The following CDH12 variants were observed in gnomAD, a reference collection of about 807,000 sequenced individuals.
CDH12 encodes the protein cadherin 12, also known as cadherin-12.
In CDH12, 41 loss-of-function variants were observed where a neutral mutation model predicts 74.1. The observed-to-expected ratio is 0.55, with a 90% confidence interval of 0.43 to 0.72. CDH12 has a LOEUF of 0.72. CDH12 is among the 30% of genes least tolerant of loss of function. CDH12 has a pLI of 0.00. For missense variants in CDH12, 945 were observed against 977.2 expected (o/e 0.97, Z 0.44); for synonymous variants, 399 against 355.0 (o/e 1.12, Z -1.39).
At chr5:21,833,235 A>T (rs1447854307) in intron 8 of CDH12, among the ~76,000 whole-genome samples, 1 of 45,636 alleles carries the variant, frequency 2.2e-5, no homozygotes. Flanking sequence ...TATATAACAT[A>T]TAATATATAT....
At chr5:21,980,308 C>T (rs893661898) in intron 5 of CDH12, among the ~76,000 whole-genome samples, 4 of 151,608 alleles carry the variant, frequency 2.6e-5, no homozygotes, top group Non-Finnish European at 4.4e-5. Flanking sequence ...TATTTCCTGG[C>T]GAGAGGTAGA....
chr5:22,512,068 AT>A (rs1184192161), intron 1 of CDH12, among the ~76,000 whole-genome samples: 1 of 152,020 alleles, frequency 6.6e-6, no homozygotes, highest in Non-Finnish European at 1.5e-5. Flanking sequence ...TAAGAATATC[AT>A]ACCTAACACC....
At chr5:22,792,028 A>C (rs1747934363) in intron 1 of CDH12, among the ~76,000 whole-genome samples, 1 of 152,046 alleles carries the variant, frequency 6.6e-6, no homozygotes, top group Non-Finnish European at 1.5e-5. Context: ...TTAGTCACAT[A>C]AACAATGGTA....
intron 4 of CDH12, among the ~76,000 whole-genome samples, chr5:22,083,774 G>A (rs765531404): frequency 1.5e-4 from 23 of 152,158 alleles, no homozygotes; most frequent in African/African-American, 3.6e-4. Flanking sequence ...GATCCTCTAC[G>A]GTGTTGCCCC....
At chr5:22,520,794 A>AT (rs1737020561) in intron 1 of CDH12, among the ~76,000 whole-genome samples, 1 of 152,130 alleles carries the variant, frequency 6.6e-6, no homozygotes, top group Non-Finnish European at 1.5e-5. Flanking sequence ...TGTGACTAAG[A>AT]TATATATAAC....
intron 1 of CDH12, among the ~76,000 whole-genome samples, chr5:22,769,615 T>C (rs1488300244): frequency 6.6e-6 from 1 of 152,022 alleles, no homozygotes; most frequent in African/African-American, 2.4e-5. Context: ...CCTTCATATA[T>C]ACATCTATCC....
chr5:21,797,192 G>C (rs1007383860), intron 10 of CDH12, among the ~76,000 whole-genome samples: 4 of 151,330 alleles, frequency 2.6e-5, no homozygotes, highest in Non-Finnish European at 5.9e-5. Context: ...TAGTGATGAT[G>C]ATGATGATGA....
chr5:21,986,793 T>C (rs1489301302), intron 5 of CDH12, among the ~76,000 whole-genome samples: 4 of 152,110 alleles, frequency 2.6e-5, no homozygotes, highest in African/African-American at 9.7e-5. Context: ...ACATATCATT[T>C]CTTAATTTAT....
chr5:22,591,862 T>A (rs1736344557), intron 1 of CDH12, among the ~76,000 whole-genome samples: 1 of 152,224 alleles, frequency 6.6e-6, no homozygotes, highest in Admixed American at 6.5e-5. Context: ...TACTGCCCTA[T>A]GATTAATGTT....
chr5:22,346,818 G>A (rs2150460552), intron 3 of CDH12, among the ~76,000 whole-genome samples: 1 of 152,178 alleles, frequency 6.6e-6, no homozygotes, highest in Middle Eastern at 3.4e-3. Context: ...CTTAAAACTG[G>A]GGAGTTTTGT....
intron 9 of CDH12, among the ~76,000 whole-genome samples, chr5:21,812,658 T>C (rs911789754): frequency 1.3e-5 from 2 of 152,204 alleles, no homozygotes; most frequent in Non-Finnish European, 2.9e-5. Context: ...TATTAAGTCA[T>C]ACTATCATGT....
intron 6 of CDH12, among the ~76,000 whole-genome samples, chr5:21,879,082 C>T (rs1752104966): frequency 6.6e-6 from 1 of 152,072 alleles, no homozygotes. Context: ...CACATGCTAT[C>T]AAATTTTTAC....
intron 1 of CDH12, among the ~76,000 whole-genome samples, chr5:22,672,149 TA>T (rs1740938977): frequency 7.1e-6 from 1 of 140,000 alleles, no homozygotes; most frequent in African/African-American, 2.7e-5. Context: ...ATATATTTAT[TA>T]TATATATTAT....
At chr5:22,698,712 T>TG (rs1742531094) in intron 1 of CDH12, among the ~76,000 whole-genome samples, 1 of 13,910 alleles carries the variant, frequency 7.2e-5, no homozygotes, top group African/African-American at 3.2e-4. Flanking sequence ...TATATATATA[T>TG]ATATATATAT....
intron 4 of CDH12, among the ~76,000 whole-genome samples, chr5:22,206,377 TAG>T (rs895045359): frequency 2.0e-5 from 3 of 152,184 alleles, no homozygotes; most frequent in African/African-American, 7.2e-5. Context: ...GGCTACATAA[TAG>T]AGTTACCTGG....
chr5:22,726,614 C>T (rs1278884930), intron 1 of CDH12, among the ~76,000 whole-genome samples: 1 of 151,816 alleles, frequency 6.6e-6, no homozygotes, highest in Admixed American at 6.6e-5. Flanking sequence ...ACATTCCAGG[C>T]AGCATTTGTT....
intron 3 of CDH12, among the ~76,000 whole-genome samples, chr5:22,261,879 T>C (rs977645091): frequency 6.6e-6 from 1 of 151,962 alleles, no homozygotes; most frequent in Admixed American, 6.6e-5. Flanking sequence ...GCAGGTGGCT[T>C]ACCCTCAAAC....
chr5:22,239,636 C>T (rs1483690153), intron 3 of CDH12, among the ~76,000 whole-genome samples: 1 of 152,076 alleles, frequency 6.6e-6, no homozygotes, highest in African/African-American at 2.4e-5. Context: ...TTTTATGGCT[C>T]TCATGGTTAT....
chr5:22,035,706 T>TCA lies in CDH12; in HGVS notation c.231+42738_231+42739dup, dbSNP rs1386026784. Among the ~76,000 whole-genome samples the TCA allele has an allele frequency of 2.8e-3, 329 of 117,028 alleles. 1 individual carries two copies. The highest frequency in any genetic ancestry group is 0.011 in the African/African-American group (302 of 28,056). The allele number at this position is 117,028 out of a possible 152,430, so 76.8% of individuals were successfully genotyped here. On this transcript the variant is annotated intron_variant, in intron 5 of 14. Coordinates refer to ENST00000382254, the MANE Select transcript of CDH12 (RefSeq NM_004061.5). ...GGTTTACTTCTTCTTTTTTTACACT[T>TCA]CACACATACACACACACACACACAC... is the stretch of plus-strand genomic sequence containing the variant.
Sources: gnomAD v4.1 joint callset for allele counts (sites outside exome capture counted in the v4.1 genomes callset) on GRCh38, gnomAD v4.1.1 for gene constraint, MANE v1.5 for transcripts, NCBI Gene and HGNC (gene_info 2026-07-23, HGNC 2026-07-21) for gene names.